SLC24A2: variants seen among roughly 807,000 people sequenced by gnomAD.
SLC24A2 encodes sodium/potassium/calcium exchanger 2.
Under a neutral mutation model 62.0 loss-of-function variants are expected in SLC24A2, and 36 were observed. That is an observed-to-expected ratio of 0.58 (90% CI 0.44 to 0.77). The LOEUF (loss-of-function observed/expected upper bound fraction) is 0.77, where lower values mean the gene tolerates loss of function less well. Among genes scored for constraint, SLC24A2 ranks in the 30% least tolerant of loss-of-function variants. The probability of loss-of-function intolerance (pLI) is 0.00; values close to 1 mark genes in which losing one functional copy is unlikely to be tolerated. For missense variants in SLC24A2, 846 were observed against 817.9 expected (o/e 1.03, Z -0.42); for synonymous variants, 358 against 294.0 (o/e 1.22, Z -2.23).
chr9:19,551,835 T>C (rs189278011), intron 7 of SLC24A2, among the ~76,000 whole-genome samples: 40 of 152,226 alleles, frequency 2.6e-4, no homozygotes, highest in African/African-American at 9.6e-4. Flanking sequence ...AGAAAGTATG[T>C]ATAGTGTTTT....
At chr9:19,557,814 CTT>C (rs927387911) in intron 7 of SLC24A2, among the ~76,000 whole-genome samples, 27 of 139,142 alleles carry the variant, frequency 1.9e-4, no homozygotes, top group Admixed American at 2.9e-4. Flanking sequence ...GCTCACATTT[CTT>C]TTTTTTTTTT....
intron 4 of SLC24A2, among the ~76,000 whole-genome samples, chr9:19,601,854 A>G (rs1300494204): frequency 6.6e-5 from 10 of 152,196 alleles, no homozygotes; most frequent in Admixed American, 6.5e-4. Flanking sequence ...GTTGTATTCT[A>G]GAATTGTGGT....
At chr9:20,146,298 G>A in the SLC24A2 span, among the ~76,000 whole-genome samples, 4 of 152,216 alleles carry the variant, frequency 2.6e-5, no homozygotes, top group Admixed American at 6.6e-5. Flanking sequence ...TGTCTGAGTC[G>A]TGTTGAGAGA....
the SLC24A2 span, among the ~76,000 whole-genome samples, chr9:20,214,259 G>A: frequency 5.9e-5 from 9 of 152,182 alleles, no homozygotes; most frequent in Non-Finnish European, 1.0e-4. Context: ...CTAGCAAAAT[G>A]AATAAGCTGT....
At chr9:20,155,521 CA>C in the SLC24A2 span, among the ~76,000 whole-genome samples, 2 of 151,604 alleles carry the variant, frequency 1.3e-5, no homozygotes, top group Admixed American at 6.6e-5. Flanking sequence ...ATTATAACAA[CA>C]AAAAACAGAA....
chr9:19,620,558 A>G (rs1379684030), intron 3 of SLC24A2, among the ~76,000 whole-genome samples: 1 of 152,248 alleles, frequency 6.6e-6, no homozygotes, highest in Non-Finnish European at 1.5e-5. Flanking sequence ...ATGAGTATCT[A>G]GAGATAAGGT....
In SLC24A2 at chr9:19,696,765, T is replaced by C. The variant is rs567172765; in HGVS notation, c.931-74466A>G. ...AGCACTTCTAAGAAAATCTAATGTG[T>C]AGTAAAGCTATTACATGTTTTAAAA... On this transcript the variant is annotated intron_variant, in intron 2 of 10. Coordinates refer to ENST00000341998, the MANE Select transcript of SLC24A2 (RefSeq NM_020344.4). 5.9e-5 allele frequency among the ~76,000 whole-genome samples: 9 copies of C among 152,296 alleles called. No homozygotes were observed. The South Asian group carries it at 1.5e-3, about 25-fold the overall frequency.
upstream of SLC24A2, among the ~76,000 whole-genome samples, chr9:19,791,099 C>T (rs1182370103): frequency 6.6e-6 from 1 of 152,200 alleles, no homozygotes; most frequent in Non-Finnish European, 1.5e-5. Context: ...AAAAAGAAGT[C>T]TGAAAGCAGA....
the SLC24A2 span, among the ~76,000 whole-genome samples, chr9:20,237,754 G>T: frequency 3.9e-5 from 6 of 152,096 alleles, no homozygotes; most frequent in African/African-American, 1.4e-4. Flanking sequence ...GATAATTCAG[G>T]CCTCTGTTGT....
At chr9:20,224,731 T>C in the SLC24A2 span, among the ~76,000 whole-genome samples, 1 of 151,640 alleles carries the variant, frequency 6.6e-6, no homozygotes, top group Admixed American at 6.6e-5. Flanking sequence ...GAGGAAAAAA[T>C]ACCAGAATGC....
chr9:19,818,139 G>A, the SLC24A2 span, among the ~76,000 whole-genome samples: 3 of 152,058 alleles, frequency 2.0e-5, no homozygotes, highest in African/African-American at 7.2e-5. Flanking sequence ...AATCTTTGGT[G>A]CAATACCTGG....
intron 2 of SLC24A2, among the ~76,000 whole-genome samples, chr9:19,701,148 T>C (rs1228914523): frequency 6.6e-6 from 1 of 152,220 alleles, no homozygotes; most frequent in Non-Finnish European, 1.5e-5. Context: ...CTGAAGGCCC[T>C]CCCTGTTTAG....
At chr9:19,689,509 G>C (rs1054515998) in intron 2 of SLC24A2, among the ~76,000 whole-genome samples, 1 of 152,112 alleles carries the variant, frequency 6.6e-6, no homozygotes, top group African/African-American at 2.4e-5. Flanking sequence ...TTCCTACAGA[G>C]TACGGGAGTG....
chr9:19,837,860 AG>A, the SLC24A2 span, among the ~76,000 whole-genome samples: 1 of 152,056 alleles, frequency 6.6e-6, no homozygotes, highest in Non-Finnish European at 1.5e-5. Flanking sequence ...CCAACTTACA[AG>A]GGACGTGAAG....
At chr9:20,102,647 C>G in the SLC24A2 span, among the ~76,000 whole-genome samples, 1 of 150,650 alleles carries the variant, frequency 6.6e-6, no homozygotes, top group South Asian at 2.1e-4. Flanking sequence ...TATAATAATA[C>G]TTTTTAAAAT....
At chr9:20,152,335 A>C in the SLC24A2 span, among the ~76,000 whole-genome samples, 2 of 151,866 alleles carry the variant, frequency 1.3e-5, no homozygotes, top group Admixed American at 1.3e-4. Flanking sequence ...TCCTCTGATA[A>C]TCCCACGTAT....
the SLC24A2 span, among the ~76,000 whole-genome samples, chr9:20,085,852 T>C: frequency 2.0e-5 from 3 of 152,216 alleles, no homozygotes; most frequent in African/African-American, 7.2e-5. Flanking sequence ...TTCACTACAT[T>C]AATTTTTTTT....
chr9:20,093,898 CTGTT>C, the SLC24A2 span, among the ~76,000 whole-genome samples: 1 of 152,102 alleles, frequency 6.6e-6, no homozygotes, highest in Non-Finnish European at 1.5e-5. Flanking sequence ...CATGCATTAC[CTGTT>C]TGTATCTCAT....
the SLC24A2 span, among the ~76,000 whole-genome samples, chr9:20,095,919 G>A: frequency 6.6e-6 from 1 of 152,072 alleles, no homozygotes; most frequent in Non-Finnish European, 1.5e-5. Flanking sequence ...CAGATCTTGT[G>A]AGACTTATTC....
Sources: gnomAD v4.1 joint callset for allele counts (sites outside exome capture counted in the v4.1 genomes callset) on GRCh38, gnomAD v4.1.1 for gene constraint, MANE v1.5 for transcripts, NCBI Gene and HGNC (gene_info 2026-07-23, HGNC 2026-07-21) for gene names.